The following MAGI2 variants were observed in gnomAD, a reference collection of about 807,000 sequenced individuals.
MAGI2 encodes membrane associated guanylate kinase, WW and PDZ domain containing 2.
A neutral mutation model predicts 133.3 loss-of-function variants in MAGI2; 35 were observed. The ratio of observed to expected loss-of-function variants is 0.26; its 90% confidence interval spans 0.20 to 0.35. MAGI2 has a LOEUF of 0.35. Ranked by LOEUF, MAGI2 falls within the 10% of genes least tolerant of loss-of-function variation. The pLI is 1.00. For missense variants in MAGI2, 1,636 were observed against 1,863.4 expected, an observed-to-expected ratio of 0.88 and a Z score of 2.25; for synonymous variants, 729 against 710.6, an observed-to-expected ratio of 1.03 and a Z score of -0.41.
chr7:79,219,326 A>G (rs186319413), intron 1 of MAGI2, among the ~76,000 whole-genome samples: 1 of 152,180 alleles, frequency 6.6e-6, no homozygotes, highest in Admixed American at 6.5e-5. Flanking sequence ...AACAAATGGT[A>G]AAAGGAATAT....
At chr7:78,882,391 A>G (rs2151547539) in intron 2 of MAGI2, among the ~76,000 whole-genome samples, 1 of 152,048 alleles carries the variant, frequency 6.6e-6, no homozygotes, top group Middle Eastern at 3.4e-3. Context: ...GCCAACCCAA[A>G]AAAGCCCGCG....
At chr7:78,966,989 G>T (rs907706253) in intron 2 of MAGI2, among the ~76,000 whole-genome samples, 21 of 151,994 alleles carry the variant, frequency 1.4e-4, no homozygotes, top group African/African-American at 5.1e-4. Flanking sequence ...CTGCCACCCA[G>T]GCTGGAGTGC....
chr7:78,741,428 C>CACACACAA (rs58979364), intron 2 of MAGI2, among the ~76,000 whole-genome samples: 25 of 116,034 alleles, frequency 2.2e-4, no homozygotes, highest in African/African-American at 5.6e-4. Context: ...CACACACACA[C>CACACACAA]GGGAGGGGGG....
intron 4 of MAGI2, chr7:78,519,108 G>C (rs931850672): frequency 8.9e-5 from 13 of 146,166 alleles, no homozygotes; most frequent in Admixed American, 7.6e-4. Context: ...GAACACGAAG[G>C]CAGGGCAGAG....
chr7:79,207,465 A>C (rs1829149168), intron 1 of MAGI2, among the ~76,000 whole-genome samples: 1 of 151,960 alleles, frequency 6.6e-6, no homozygotes, highest in East Asian at 1.9e-4. Context: ...TCCACTTATA[A>C]TTGCTACAAA....
intron 1 of MAGI2, among the ~76,000 whole-genome samples, chr7:79,305,831 G>A (rs1585504299): frequency 6.6e-6 from 1 of 152,102 alleles, no homozygotes; most frequent in East Asian, 1.9e-4. Flanking sequence ...TAACACAGAA[G>A]GATCCCATGA....
At chr7:78,468,013 G>A (rs76823723) in intron 6 of MAGI2, among the ~76,000 whole-genome samples, 3,550 of 152,056 alleles carry the variant, frequency 0.023, 158 homozygotes, top group African/African-American at 0.081. Context: ...GGAGGGAAAA[G>A]TTTTCACTGC....
chr7:78,907,791 T>C (rs1266891939), intron 2 of MAGI2, among the ~76,000 whole-genome samples: 4 of 152,158 alleles, frequency 2.6e-5, no homozygotes, highest in Non-Finnish European at 5.9e-5. Flanking sequence ...AAACCGTGTC[T>C]AATAAGCCAA....
chr7:78,520,951 A>G (rs17370985), intron 4 of MAGI2, among the ~76,000 whole-genome samples: 9,326 of 152,222 alleles, frequency 0.061, 468 homozygotes, highest in African/African-American at 0.14. Flanking sequence ...TGAAAATTAT[A>G]TTCATTGAAG....
intron 3 of MAGI2, among the ~76,000 whole-genome samples, chr7:78,623,490 C>T (rs944639244): frequency 6.6e-6 from 1 of 151,922 alleles, no homozygotes; most frequent in African/African-American, 2.4e-5. Context: ...ATTATGAACA[C>T]AACTTCTTTA....
chr7:78,770,446 C>A (rs1291215339), intron 2 of MAGI2, among the ~76,000 whole-genome samples: 1 of 152,196 alleles, frequency 6.6e-6, no homozygotes, highest in Admixed American at 6.5e-5. Context: ...GCACTTGGTT[C>A]TCTGAACTAT....
intron 1 of MAGI2, among the ~76,000 whole-genome samples, chr7:79,302,333 A>G (rs987526607): frequency 2.6e-5 from 4 of 152,188 alleles, no homozygotes; most frequent in African/African-American, 9.7e-5. Flanking sequence ...TACATTTTAT[A>G]TAGGGGAAAT....
chr7:79,335,318 T>A (rs558619907), intron 1 of MAGI2, among the ~76,000 whole-genome samples: 1 of 152,222 alleles, frequency 6.6e-6, no homozygotes, highest in South Asian at 2.1e-4. Context: ...TGAGTGAACA[T>A]CAGTGACCAT....
At chr7:78,141,328 C>G (rs78782124) in intron 16 of MAGI2, among the ~76,000 whole-genome samples, 1 of 152,108 alleles carries the variant, frequency 6.6e-6, no homozygotes, top group Non-Finnish European at 1.5e-5. Context: ...CTTTAGAAAC[C>G]AGAGCATAAT....
At position 79,440,861 on chromosome 7, in the gene MAGI2, C is replaced by G. The variant is rs568590927; in HGVS notation, c.301+12159G>C. On this transcript the variant is annotated intron_variant, in intron 1 of 21. Coordinates refer to ENST00000354212, the MANE Select transcript of MAGI2 (RefSeq NM_012301.4). ...AAGGAGCCAGTAGCTTTTCCTCATT[C>G]TGCTCTGCCATCCTCCACCTTTCGG... Among the ~76,000 whole-genome samples, 3 of 152,314 alleles carry G rather than the reference C, an allele frequency of 2.0e-5. No homozygotes were observed. The East Asian group carries it at 5.8e-4, about 29-fold the overall frequency.
At chr7:78,488,157 C>T (rs7785241) in intron 6 of MAGI2, among the ~76,000 whole-genome samples, 50,351 of 151,712 alleles carry the variant, frequency 0.33, 8,895 homozygotes, top group African/African-American at 0.44. Flanking sequence ...TACAAATCAT[C>T]CTGATCTATA....
intron 1 of MAGI2, among the ~76,000 whole-genome samples, chr7:79,072,426 A>G (rs1815070691): frequency 6.6e-6 from 1 of 152,090 alleles, no homozygotes; most frequent in Non-Finnish European, 1.5e-5. Context: ...AAGCAGAACT[A>G]CCCTTCAATT....
At chr7:78,770,586 G>A (rs1825486876) in intron 2 of MAGI2, among the ~76,000 whole-genome samples, 1 of 152,160 alleles carries the variant, frequency 6.6e-6, no homozygotes. Flanking sequence ...GACAATCTAA[G>A]GCTGAAACAC....
Position 78,021,926 on chromosome 7 carries a change from T to C in MAGI2, c.3707-1950A>G, listed in dbSNP as rs1055296090. ...AATGGGAGGGTCAATCATATTTTTC[T>C]TCTGTACCCCACCTGCTGCCTACTT... On this transcript the variant is annotated intron_variant, in intron 21 of 21. Coordinates refer to ENST00000354212, the MANE Select transcript of MAGI2 (RefSeq NM_012301.4). Among the ~76,000 whole-genome samples the C allele has an allele frequency of 2.6e-5, 4 of 152,216 alleles. No individual in the cohort carries two copies. The South Asian group carries it at 6.2e-4, about 24-fold the overall frequency.
Sources: allele counts gnomAD v4.1 joint callset (sites outside exome capture counted in the v4.1 genomes callset), GRCh38; gene constraint gnomAD v4.1.1; transcripts MANE v1.5; gene names NCBI Gene and HGNC (gene_info 2026-07-23, HGNC 2026-07-21).